The following STAMBP variants were observed in gnomAD, a reference collection of about 807,000 sequenced individuals.
The protein encoded by STAMBP is STAM-binding protein.
Under a neutral mutation model 50.7 loss-of-function variants are expected in STAMBP, and 31 were observed. The ratio of observed to expected loss-of-function variants is 0.61; its 90% CI spans 0.46 to 0.83. STAMBP has a LOEUF of 0.83. Ranked by LOEUF, STAMBP falls within the 40% of genes least tolerant of loss-of-function variation. The probability of loss-of-function intolerance (pLI) is 0.00; values close to 1 mark genes in which losing one functional copy is unlikely to be tolerated. For missense variants in STAMBP, 472 were observed against 518.9 expected (o/e 0.91, Z 0.88); for synonymous variants, 211 against 192.4 (o/e 1.10, Z -0.80).
At chr2:73,851,887 G>A (rs577973521) in intron 7 of STAMBP, among the ~76,000 whole-genome samples, 2 of 151,990 alleles carry the variant, frequency 1.3e-5, no homozygotes, top group East Asian at 1.9e-4. Flanking sequence ...TGATCCACCC[G>A]CCTCAGCCTC....
chr2:73,831,821 G>A (rs1423143063), intron 2 of STAMBP, among the ~76,000 whole-genome samples: 2 of 151,960 alleles, frequency 1.3e-5, no homozygotes, highest in Non-Finnish European at 2.9e-5. Flanking sequence ...TCACAGTTCT[G>A]TGTGCATGGA....
At chr2:73,853,216 T>G (rs1677091576) in intron 7 of STAMBP, among the ~76,000 whole-genome samples, 1 of 152,062 alleles carries the variant, frequency 6.6e-6, no homozygotes, top group Non-Finnish European at 1.5e-5. Flanking sequence ...TGTAAGAGTT[T>G]AAGAACTCAT....
At chr2:73,856,162 G>A (rs1677523206) in intron 7 of STAMBP, among the ~76,000 whole-genome samples, 1 of 152,196 alleles carries the variant, frequency 6.6e-6, no homozygotes, top group Non-Finnish European at 1.5e-5. Context: ...TCAAATTTTA[G>A]CATCGTGTTC....
At chr2:73,847,861 G>A (rs1019834792) in intron 5 of STAMBP, 108 bp downstream of exon 5, 1 of 1,413,688 alleles carries the variant, frequency 7.1e-7, no homozygotes, top group African/African-American at 1.4e-5. Flanking sequence ...TTAAGCTTTG[G>A]TCACAGAAAC....
At chr2:73,848,613 C>A (rs549435137) in intron 5 of STAMBP, among the ~76,000 whole-genome samples, 2 of 152,262 alleles carry the variant, frequency 1.3e-5, no homozygotes, top group African/African-American at 4.8e-5. Flanking sequence ...AGTGGAAAGT[C>A]CAAGACCCAG....
At chr2:73,861,991 G>A (rs904362419) in intron 9 of STAMBP, among the ~76,000 whole-genome samples, 3 of 152,102 alleles carry the variant, frequency 2.0e-5, no homozygotes, top group African/African-American at 7.2e-5. Flanking sequence ...CACAAAATTA[G>A]CCAGGCATGG....
At chr2:73,843,709 G>C (rs1424337218) in intron 2 of STAMBP, among the ~76,000 whole-genome samples, 1 of 152,118 alleles carries the variant, frequency 6.6e-6, no homozygotes, top group Admixed American at 6.5e-5. Flanking sequence ...TGAAGGATGA[G>C]GACTTATCTT....
At chr2:73,833,640 T>C (rs925858348) in intron 2 of STAMBP, among the ~76,000 whole-genome samples, 1 of 152,208 alleles carries the variant, frequency 6.6e-6, no homozygotes, top group African/African-American at 2.4e-5. Flanking sequence ...ATGGAATCAC[T>C]GCACCAGGTA....
chr2:73,829,171 C>A lies in STAMBP; in HGVS notation c.-352C>A, dbSNP rs908307582. 2.0e-5 allele frequency: 3 copies of A among 152,316 alleles called. No individual in the cohort carries two copies. The highest frequency in any genetic ancestry group is 7.2e-5 in the African/African-American group (3 of 41,464). 9.4% of individuals were successfully genotyped at this position (152,316 alleles called of 1,614,324 possible). ...CTGTCTCCGCGGGCTGGCGCCTGACCAGCCAGGCCCAGCGGTTCCCCGCCT... is the reference window on the plus strand; with the variant it reads ...CTGTCTCCGCGGGCTGGCGCCTGACAAGCCAGGCCCAGCGGTTCCCCGCCT... On this transcript the variant is annotated 5_prime_UTR_variant, in exon 1 of 10. Transcript: ENST00000394070.
chr2:73,833,221 G>A (rs1422739706), intron 2 of STAMBP, among the ~76,000 whole-genome samples: 1 of 152,216 alleles, frequency 6.6e-6, no homozygotes, highest in Non-Finnish European at 1.5e-5. Flanking sequence ...CTGAGACTCA[G>A]CTATTTGTTA....
At chr2:73,837,649 A>T (rs1198370611) in intron 2 of STAMBP, among the ~76,000 whole-genome samples, 4 of 151,312 alleles carry the variant, frequency 2.6e-5, no homozygotes, top group African/African-American at 9.7e-5. Context: ...CACAATTTTT[A>T]AAATTTTTGA....
At chr2:73,868,660 G>A (rs1175501209), downstream of STAMBP, among the ~76,000 whole-genome samples, 2 of 152,072 alleles carry the variant, frequency 1.3e-5, no homozygotes, top group African/African-American at 4.8e-5. Flanking sequence ...GAGGTGGGCG[G>A]ATCACTTAAG....
rs536378897 is a variant in STAMBP, at chr2:73,864,746, G to C, written c.*2487G>C. 2 of 152,396 alleles carry C rather than the reference G, an allele frequency of 1.3e-5. No homozygotes were observed. Among genetic ancestry groups the C allele is most frequent in the South Asian group, 4.1e-4 (2 of 4,826 alleles). 9.4% of individuals were successfully genotyped at this position (152,396 alleles called of 1,614,324 possible). A position where few individuals can be genotyped will look rare whatever the true frequency, so the allele number is the denominator to read the frequency against. ...ACAAGTACCATACTTAGTGTTCTGG[G>C]CTGAGAGGGGAGACAAAAGCATCGT... On this transcript the variant is annotated 3_prime_UTR_variant, in exon 10 of 10. Coordinates refer to ENST00000394070, the MANE Select transcript of STAMBP (RefSeq NM_213622.4).
intron 4 of STAMBP, among the ~76,000 whole-genome samples, chr2:73,846,296 ATT>A (rs1192452367): frequency 2.5e-4 from 38 of 151,942 alleles, no homozygotes; most frequent in Non-Finnish European, 1.5e-5. Flanking sequence ...CAGAGGCCTC[ATT>A]TTGGGTTAAA....
intron 7 of STAMBP, among the ~76,000 whole-genome samples, chr2:73,852,699 A>C (rs772030862): frequency 3.3e-5 from 5 of 152,266 alleles, no homozygotes; most frequent in East Asian, 1.9e-4. Context: ...TTTGTTTTTG[A>C]GACGGAGTCT....
At position 73,864,150 on chromosome 2, in the gene STAMBP, G is replaced by A. The variant is rs1678647430; in HGVS notation, c.*1891G>A. ...TGTTGTTTCTGCATTTGTCTTTCAAGCTGCTAGAATTCTCAAGTACAACCA... is the reference window on the plus strand; with the variant it reads ...TGTTGTTTCTGCATTTGTCTTTCAAACTGCTAGAATTCTCAAGTACAACCA... On this transcript the variant is annotated 3_prime_UTR_variant, in exon 10 of 10. Coordinates refer to ENST00000394070, the MANE Select transcript of STAMBP (RefSeq NM_213622.4). 6.6e-6 allele frequency: 1 copy of A among 152,170 alleles called. No homozygotes were observed. The highest frequency in any genetic ancestry group is 6.5e-5 in the Admixed American group (1 of 15,278). 9.4% of individuals were successfully genotyped at this position (152,170 alleles called of 1,614,324 possible).
Position 73,829,358 on chromosome 2 carries a change from G to C in STAMBP, c.-165G>C, listed in dbSNP as rs939114443. On this transcript the variant is annotated 5_prime_UTR_variant, in exon 1 of 10. Coordinates refer to ENST00000394070, the MANE Select transcript of STAMBP (RefSeq NM_213622.4). ...TCCTGCTACTTCCTTTCTCCTCCTCGTATTTCCCCCTCGGTCCTTTACGCC... is the reference window on the plus strand; with the variant it reads ...TCCTGCTACTTCCTTTCTCCTCCTCCTATTTCCCCCTCGGTCCTTTACGCC... The C allele has an allele frequency of 1.5e-4, 23 of 152,458 alleles. No individual in the cohort carries two copies. Among genetic ancestry groups the C allele is most frequent in the African/African-American group, 5.1e-4 (21 of 41,514 alleles). The allele number at this position is 152,458 out of a possible 1,614,324, so 9.4% of individuals were successfully genotyped here. A position where few individuals can be genotyped will look rare whatever the true frequency, so the allele number is the denominator to read the frequency against.
rs190535332 is a variant in STAMBP at position 73,872,765 on chromosome 2, G to A, written c.*46-587G>A. On this transcript the variant is annotated intron_variant, in intron 10 of 10. Coordinates refer to the STAMBP transcript ENST00000409707. ...AGTCCCACAGGACTCTAGAAACCTC[G>A]TAGAAAGGATTTCAGACAGATTCCT... Among the ~76,000 whole-genome samples, 673 of 152,236 alleles carry A rather than the reference G, an allele frequency of 4.4e-3. 4 individuals carry two copies. Among genetic ancestry groups the A allele is most frequent in the African/African-American group, 0.015 (636 of 41,540 alleles).
chr2:73,868,496 A>C (rs1344600264), downstream of STAMBP, among the ~76,000 whole-genome samples: 1 of 152,210 alleles, frequency 6.6e-6, no homozygotes, highest in East Asian at 1.9e-4. Context: ...GGAGTAGGTC[A>C]AAGGAAACAA....
Sources: allele counts gnomAD v4.1 joint callset (sites outside exome capture counted in the v4.1 genomes callset), GRCh38; gene constraint gnomAD v4.1.1; transcripts MANE v1.5; gene names NCBI Gene and HGNC (gene_info 2026-07-23, HGNC 2026-07-21).